CABCOCO1: variants seen among roughly 807,000 people sequenced by gnomAD.
CABCOCO1 encodes the protein ciliary-associated calcium-binding coiled-coil protein 1.
CABCOCO1 carries 28 observed loss-of-function variants against 35.7 expected under a neutral mutation model. That is an observed-to-expected ratio of 0.78 (90% CI 0.58 to 1.07). CABCOCO1 has a LOEUF of 1.07. Among genes scored for constraint, CABCOCO1 ranks in the 50% least tolerant of loss-of-function variants. CABCOCO1 has a pLI of 0.00. For missense variants in CABCOCO1, 326 were observed against 309.2 expected (o/e 1.05, Z -0.41); for synonymous variants, 95 against 100.1 (o/e 0.95, Z 0.30).
At chr10:61,673,898 A>G (rs1839433586) in intron 2 of CABCOCO1, among the ~76,000 whole-genome samples, 1 of 152,224 alleles carries the variant, frequency 6.6e-6, no homozygotes, top group Admixed American at 6.5e-5. Flanking sequence ...GTAAGAATTG[A>G]TCTGCAATAC....
intron 1 of CABCOCO1, among the ~76,000 whole-genome samples, chr10:61,664,403 T>TA (rs1368212413): frequency 1.3e-5 from 2 of 152,156 alleles, no homozygotes; most frequent in African/African-American, 2.4e-5. Context: ...ATCTGGACTT[T>TA]AAAAAAATAC....
At chr10:61,716,657 TGAA>T (rs1840874847) in intron 5 of CABCOCO1, among the ~76,000 whole-genome samples, 1 of 152,196 alleles carries the variant, frequency 6.6e-6, no homozygotes, top group Non-Finnish European at 1.5e-5. Flanking sequence ...CTTTCAATCT[TGAA>T]TTATTTATGT....
intron 5 of CABCOCO1, among the ~76,000 whole-genome samples, chr10:61,711,801 A>C (rs1015736902): frequency 6.6e-6 from 1 of 152,086 alleles, no homozygotes; most frequent in Non-Finnish European, 1.5e-5. Flanking sequence ...AGTCAGTAAC[A>C]GAAAATCCCA....
chr10:61,685,702 G>A (rs1182889653), intron 3 of CABCOCO1, among the ~76,000 whole-genome samples: 3 of 151,966 alleles, frequency 2.0e-5, no homozygotes, highest in Non-Finnish European at 2.9e-5. Flanking sequence ...CTGGGACCAC[G>A]GGCATGTGTC....
chr10:61,691,803 T>A (rs1358818824), intron 5 of CABCOCO1, among the ~76,000 whole-genome samples: 1 of 152,170 alleles, frequency 6.6e-6, no homozygotes, highest in African/African-American at 2.4e-5. Flanking sequence ...TTCATCCATG[T>A]CCCTGCAAAG....
chr10:61,680,439 T>C (rs1401199369), intron 2 of CABCOCO1, among the ~76,000 whole-genome samples: 3 of 69,820 alleles, frequency 4.3e-5, no homozygotes, highest in Non-Finnish European at 1.0e-4. Context: ...TATTAACATA[T>C]ATAATATATT....
chr10:61,740,291 C>T (rs1012320743), intron 5 of CABCOCO1, among the ~76,000 whole-genome samples: 17 of 152,132 alleles, frequency 1.1e-4, no homozygotes, highest in Admixed American at 5.9e-4. Flanking sequence ...TACAGCTTCT[C>T]GTACCATCCA....
chr10:61,720,123 C>T (rs1026903331), intron 5 of CABCOCO1, among the ~76,000 whole-genome samples: 2 of 151,722 alleles, frequency 1.3e-5, no homozygotes, highest in African/African-American at 2.4e-5. Flanking sequence ...AAGGAAGAAA[C>T]GCAGGATCTG....
In CABCOCO1 at chr10:61,686,173, A is replaced by G. The variant is rs769832782; in HGVS notation, c.467A>G (p.Tyr156Cys). ...AAACAAGCCAATGCTATCATTGATT[A>G]CTTAAAAATCAGGTATGGATTATTT... ...DVKQANAIID[Y>C]LKISLFQHYK... Residue 156 changes from tyrosine to cysteine, a missense_variant, in exon 4 of 8, where the codon TAC (tyrosine) becomes TGC (cysteine). Transcript: ENST00000648843. 6.4e-7 allele frequency: 1 copy of G among 1,572,340 alleles called. No homozygotes were observed. The highest frequency in any genetic ancestry group is 2.3e-5 in the East Asian group (1 of 43,396).
chr10:61,733,719 G>T (rs1399870128), intron 5 of CABCOCO1, among the ~76,000 whole-genome samples: 1 of 151,898 alleles, frequency 6.6e-6, no homozygotes, highest in Non-Finnish European at 1.5e-5. Context: ...CAGAAGATTT[G>T]CAGTTCAAAA....
chr10:61,705,114 T>A lies in CABCOCO1; in HGVS notation c.552+14493T>A, dbSNP rs142018678. ...AAAGTTATGGAGAGAGGTGCTTCAGTGTTTGAAGCTAAGTCTTTTGTGAGC... is the reference window on the plus strand; with the variant it reads ...AAAGTTATGGAGAGAGGTGCTTCAGAGTTTGAAGCTAAGTCTTTTGTGAGC... On this transcript the variant is annotated intron_variant, in intron 5 of 7. Coordinates refer to ENST00000648843, the MANE Select transcript of CABCOCO1 (RefSeq NM_001366906.2). 1.1e-3 allele frequency among the ~76,000 whole-genome samples: 164 copies of A among 152,336 alleles called. 1 individual carries two copies. The highest frequency in any genetic ancestry group is 3.6e-3 in the African/African-American group (151 of 41,588).
At chr10:61,697,294 CTTG>C (rs925764338) in intron 5 of CABCOCO1, among the ~76,000 whole-genome samples, 50 of 152,080 alleles carry the variant, frequency 3.3e-4, no homozygotes, top group Admixed American at 1.6e-3. Flanking sequence ...TCAATAAATA[CTTG>C]TTGTGTACAT....
At chr10:61,669,263 G>GA (rs1839287364) in intron 1 of CABCOCO1, among the ~76,000 whole-genome samples, 4 of 151,794 alleles carry the variant, frequency 2.6e-5, no homozygotes. Flanking sequence ...ATTAGAGAGG[G>GA]AAAAAAATTA....
intron 5 of CABCOCO1, among the ~76,000 whole-genome samples, chr10:61,747,066 TTAAAA>T (rs1841679037): frequency 6.6e-6 from 1 of 152,130 alleles, no homozygotes; most frequent in African/African-American, 2.4e-5. Flanking sequence ...AAAAATCTTG[TTAAAA>T]TAATAAAATG....
In CABCOCO1 at chr10:61,686,114, G is replaced by A. The variant is rs191732208; in HGVS notation, c.408G>A (p.Ser136=). Residue 136 remains serine (S), a synonymous_variant, in exon 4 of 8, where the codon TCG becomes TCA. Coordinates refer to ENST00000648843, the MANE Select transcript of CABCOCO1 (RefSeq NM_001366906.2). Reference sequence around the variant, plus strand: ...TGGCTGAAATAGGACCAACACATTCGCAAAAGAGTGAGGACTGGAATATCT... The same window carrying A: ...TGGCTGAAATAGGACCAACACATTCACAAAAGAGTGAGGACTGGAATATCT... ...EVMAEIGPTH[S]QKSEDWNIFD... The A allele has an allele frequency of 5.7e-5, 92 of 1,606,734 alleles. No homozygotes were observed. Among genetic ancestry groups the A allele is most frequent in the South Asian group, 1.1e-4 (10 of 89,414 alleles).
intron 5 of CABCOCO1, among the ~76,000 whole-genome samples, chr10:61,716,905 T>G (rs1206522327): frequency 6.6e-6 from 1 of 152,010 alleles, no homozygotes; most frequent in Non-Finnish European, 1.5e-5. Context: ...CTTTCTTCTG[T>G]ATACTAATCA....
intron 5 of CABCOCO1, among the ~76,000 whole-genome samples, chr10:61,749,731 C>G (rs938165658): frequency 6.6e-6 from 1 of 152,152 alleles, no homozygotes; most frequent in Non-Finnish European, 1.5e-5. Context: ...AAGTTAGGTG[C>G]GTGGGTTTCA....
intron 5 of CABCOCO1, among the ~76,000 whole-genome samples, chr10:61,758,292 G>A (rs1036664685): frequency 2.0e-5 from 3 of 151,928 alleles, no homozygotes; most frequent in African/African-American, 4.8e-5. Flanking sequence ...TTCAGAGGCC[G>A]CTAAAATATG....
At chr10:61,745,757 C>T (rs1202155189) in intron 5 of CABCOCO1, among the ~76,000 whole-genome samples, 1 of 152,188 alleles carries the variant, frequency 6.6e-6, no homozygotes, top group Non-Finnish European at 1.5e-5. Context: ...GGCAGAGGGT[C>T]ACAGCATATC....
Sources: allele counts gnomAD v4.1 joint callset (sites outside exome capture counted in the v4.1 genomes callset), GRCh38; gene constraint gnomAD v4.1.1; transcripts MANE v1.5; gene names NCBI Gene and HGNC (gene_info 2026-07-23, HGNC 2026-07-21).